CFAP20DC: variants seen among roughly 807,000 people sequenced by gnomAD.
The protein encoded by CFAP20DC is protein CFAP20DC.
In CFAP20DC, 84 loss-of-function variants were observed where a neutral mutation model predicts 101.7. That is an observed-to-expected ratio of 0.83 (90% confidence interval 0.69 to 0.99). The LOEUF is 0.99. Ranked by LOEUF, CFAP20DC falls within the 50% of genes least tolerant of loss-of-function variation. The pLI is 0.00. For synonymous variants in CFAP20DC, 359 were observed against 351.2 expected, an observed-to-expected ratio of 1.02 and a Z score of -0.25; for missense variants, 1,007 against 970.3, an observed-to-expected ratio of 1.04 and a Z score of -0.50.
intron 4 of CFAP20DC, among the ~76,000 whole-genome samples, chr3:59,010,444 A>G (rs992979108): frequency 6.6e-6 from 1 of 152,150 alleles, no homozygotes; most frequent in Non-Finnish European, 1.5e-5. Context: ...TAAAGCAACA[A>G]CAGTAAAAAA....
intron 4 of CFAP20DC, among the ~76,000 whole-genome samples, chr3:58,988,635 T>C (rs536066460): frequency 1.3e-5 from 2 of 152,310 alleles, no homozygotes; most frequent in African/African-American, 4.8e-5. Context: ...CTGTAGTTTG[T>C]AAGCTACTCA....
In CFAP20DC at chr3:58,830,888, T is replaced by C. The variant is rs116764305; in HGVS notation, c.2175+798A>G. On this transcript the variant is annotated intron_variant, in intron 14 of 16. Transcript: ENST00000482387. ...CCAATGATTTTATTATTCTGCCTTA[T>C]GACATTTCTTGTGCTGTACTGAACT... Among the ~76,000 whole-genome samples the C allele has an allele frequency of 2.1e-3, 318 of 152,340 alleles. 3 individuals are homozygous for C. Among genetic ancestry groups the C allele is most frequent in the African/African-American group, 7.5e-3 (310 of 41,584 alleles).
intron 12 of CFAP20DC, among the ~76,000 whole-genome samples, chr3:58,855,718 A>T (rs1304068227): frequency 6.6e-6 from 1 of 151,906 alleles, no homozygotes; most frequent in Admixed American, 6.6e-5. Context: ...CATCATTCTC[A>T]GTAAACTATC....
At chr3:58,775,295 A>G (rs2071222294) in intron 15 of CFAP20DC, among the ~76,000 whole-genome samples, 1 of 152,162 alleles carries the variant, frequency 6.6e-6, no homozygotes, top group Non-Finnish European at 1.5e-5. Context: ...TCCAAAGTAG[A>G]CAATCAGAAT....
chr3:58,926,005 C>T (rs1480164785), intron 5 of CFAP20DC, among the ~76,000 whole-genome samples: 1 of 152,170 alleles, frequency 6.6e-6, no homozygotes, highest in Non-Finnish European at 1.5e-5. Context: ...AGACAGTTCT[C>T]CTTTCTCCAG....
intron 15 of CFAP20DC, among the ~76,000 whole-genome samples, chr3:58,800,570 T>G (rs2073613785): frequency 6.6e-6 from 1 of 152,200 alleles, no homozygotes; most frequent in Non-Finnish European, 1.5e-5. Context: ...ATAGATCAGT[T>G]TGGAATTCAG....
At chr3:58,830,496 C>T (rs1407424633) in intron 14 of CFAP20DC, among the ~76,000 whole-genome samples, 1 of 151,882 alleles carries the variant, frequency 6.6e-6, no homozygotes, top group East Asian at 1.9e-4. Context: ...CATTAGGTGC[C>T]AGGGCCTCTG....
chr3:58,877,673 G>A (rs150403832), intron 7 of CFAP20DC, among the ~76,000 whole-genome samples: 1 of 152,224 alleles, frequency 6.6e-6, no homozygotes, highest in South Asian at 2.1e-4. Flanking sequence ...TGCCCTCTGT[G>A]GATCAGGAGG....
chr3:58,716,665 C>T (rs2067403816), downstream of CFAP20DC, among the ~76,000 whole-genome samples: 1 of 152,158 alleles, frequency 6.6e-6, no homozygotes, highest in Non-Finnish European at 1.5e-5. Context: ...CTATGGGGGT[C>T]TGCTAAAGGT....
chr3:58,842,194 A>C (rs1383764779), intron 13 of CFAP20DC, among the ~76,000 whole-genome samples: 1 of 151,846 alleles, frequency 6.6e-6, no homozygotes, highest in Non-Finnish European at 1.5e-5. Flanking sequence ...GCTCCGGTCT[A>C]CAGCTCCCAG....
downstream of CFAP20DC, among the ~76,000 whole-genome samples, chr3:58,741,500 T>A (rs940928679): frequency 2.1e-5 from 3 of 140,034 alleles, no homozygotes; most frequent in African/African-American, 8.1e-5. Context: ...TGTCAAAATA[T>A]TTTTTTTTTT....
intron 12 of CFAP20DC, among the ~76,000 whole-genome samples, chr3:58,855,228 A>G (rs1575956039): frequency 6.6e-6 from 1 of 152,354 alleles, no homozygotes; most frequent in African/African-American, 2.4e-5. Context: ...CAAAAAACAC[A>G]TGAAAAAATG....
Position 58,794,306 on chromosome 3 carries a change from T to C in CFAP20DC, c.2237+12089A>G, listed in dbSNP as rs765049243. 8 of 455,296 alleles carry C rather than the reference T, an allele frequency of 1.8e-5. No individual in the cohort carries two copies. In the East Asian group the frequency reaches 5.6e-4, roughly 32 times the overall value. 28.2% of individuals were successfully genotyped at this position (455,296 alleles called of 1,614,324 possible). A position where few individuals can be genotyped will look rare whatever the true frequency, so the allele number is the denominator to read the frequency against. On this transcript the variant is annotated intron_variant, in intron 15 of 16. Coordinates refer to ENST00000482387, the MANE Select transcript of CFAP20DC (RefSeq NM_001394063.1). ...GCACCAAATTGCATCTGATTTGTCT[T>C]AATGGATGGCAAAGGACCTAAAGGC...
At chr3:58,901,587 T>A (rs1484969135) in intron 6 of CFAP20DC, among the ~76,000 whole-genome samples, 5 of 152,256 alleles carry the variant, frequency 3.3e-5, no homozygotes, top group Non-Finnish European at 7.3e-5. Flanking sequence ...TAAGTGTTTA[T>A]GTAAATTATT....
chr3:58,722,234 A>T lies in CFAP20DC; in HGVS notation c.198-4606T>A, dbSNP rs903274087. Among the ~76,000 whole-genome samples, 1 of 152,124 alleles carries T rather than the reference A, an allele frequency of 6.6e-6. No homozygotes were observed. The highest frequency in any genetic ancestry group is 2.4e-5 in the African/African-American group (1 of 41,418). On this transcript the variant is annotated intron_variant, in intron 3 of 3. Coordinates refer to the CFAP20DC transcript ENST00000486145. This position sits in a 1 kb window ranked among gnomAD's most constrained non-coding sequence, Gnocchi z 4.5. Reference sequence around the variant, plus strand: ...GAGAAGCCTCCCAGTGATTCCAGCCACCAAGTGTTCAGTCACCCCCACCCC... The same window carrying T: ...GAGAAGCCTCCCAGTGATTCCAGCCTCCAAGTGTTCAGTCACCCCCACCCC...
intron 14 of CFAP20DC, among the ~76,000 whole-genome samples, chr3:58,812,964 C>T (rs921835846): frequency 6.6e-5 from 10 of 151,962 alleles, no homozygotes; most frequent in African/African-American, 2.2e-4. Context: ...TCTCATGGAA[C>T]TAATGCTGCA....
At chr3:58,968,315 T>A (rs1158205082) in intron 4 of CFAP20DC, among the ~76,000 whole-genome samples, 1 of 152,198 alleles carries the variant, frequency 6.6e-6, no homozygotes, top group African/African-American at 2.4e-5. Context: ...TGAACTAATT[T>A]ACATTCCCAT....
In CFAP20DC at chr3:58,962,635, G is replaced by A. The variant is rs755749575; in HGVS notation, c.279-24873C>T. ...GGCTGTGCTCAAACACTTTGTACTA[G>A]TAAAGCTTCTACCCTTGCTGATGGA... On this transcript the variant is annotated intron_variant, in intron 4 of 16. Coordinates refer to ENST00000482387, the MANE Select transcript of CFAP20DC (RefSeq NM_001394063.1). Among the ~76,000 whole-genome samples the A allele has an allele frequency of 2.6e-5, 4 of 152,092 alleles. No individual in the cohort carries two copies. In the South Asian group the frequency reaches 8.3e-4, roughly 32 times the overall value.
chr3:58,985,176 C>T (rs1379160365), intron 4 of CFAP20DC, among the ~76,000 whole-genome samples: 1 of 152,166 alleles, frequency 6.6e-6, no homozygotes, highest in Non-Finnish European at 1.5e-5. Flanking sequence ...CATCCTCCTG[C>T]CTTGGCCTCC....
Sources: gnomAD v4.1 joint callset for allele counts (sites outside exome capture counted in the v4.1 genomes callset) on GRCh38, gnomAD v4.1.1 for gene constraint, Gnocchi (gnomAD v3.1) non-coding constraint, MANE v1.5 for transcripts, NCBI Gene and HGNC (gene_info 2026-07-23, HGNC 2026-07-21) for gene names.